ATRNL1: variants seen among roughly 807,000 people sequenced by gnomAD.
The protein encoded by ATRNL1 is attractin-like protein 1.
Under a neutral mutation model 182.7 loss-of-function variants are expected in ATRNL1, and 95 were observed. That is an observed-to-expected ratio of 0.52 (90% confidence interval 0.44 to 0.62). The LOEUF (loss-of-function observed/expected upper bound fraction) is 0.62. Ranked by LOEUF, ATRNL1 falls within the 20% of genes least tolerant of loss-of-function variation. The pLI is 0.00. For missense variants in ATRNL1, 1,471 were observed against 1,679.5 expected (o/e 0.88, Z 2.17); for synonymous variants, 576 against 568.3 (o/e 1.01, Z -0.19).
chr10:115,526,571 T>G (rs1263551252), intron 25 of ATRNL1, among the ~76,000 whole-genome samples: 1 of 152,168 alleles, frequency 6.6e-6, no homozygotes, highest in Non-Finnish European at 1.5e-5. Context: ...TCCAGCAATT[T>G]AAGTCTTCTG....
At chr10:115,448,737 T>C (rs1316362312) in intron 21 of ATRNL1, among the ~76,000 whole-genome samples, 1 of 151,896 alleles carries the variant, frequency 6.6e-6, no homozygotes, top group Non-Finnish European at 1.5e-5. Flanking sequence ...TAAACAAATC[T>C]AGGAGTTGGT....
At chr10:115,288,049 G>T (rs1295097443) in intron 15 of ATRNL1, among the ~76,000 whole-genome samples, 1 of 149,854 alleles carries the variant, frequency 6.7e-6, no homozygotes, top group Admixed American at 6.7e-5. Context: ...TGCCATGAAT[G>T]ACAGGATTTC....
chr10:115,221,054 G>A (rs1270119655), intron 9 of ATRNL1, among the ~76,000 whole-genome samples: 2 of 152,028 alleles, frequency 1.3e-5, no homozygotes, highest in African/African-American at 2.4e-5. Flanking sequence ...ATTCTCATAG[G>A]GACATGCAAC....
chr10:115,315,564 G>A lies in ATRNL1; in HGVS notation c.2865G>A (p.Gln955=), dbSNP rs782194008. ...GLRTCGQCLE[Q]PGCGWCNDPS... ...GAACCTGTGGACAGTGTTTGGAACA[G>A]CCTGGATGTGGCTGGTGCAATGATC... The change falls in exon 18 of 29, where the codon CAG becomes CAA. Residue 955 remains glutamine (Q), a synonymous_variant. Transcript: ENST00000355044. 2.5e-6 allele frequency: 4 copies of A among 1,613,950 alleles called. No homozygotes were observed. The Admixed American group carries it at 6.7e-5, about 27-fold the overall frequency.
rs555125942 is a variant in ATRNL1 at position 115,720,631 on chromosome 10, T to C, written c.3796-6617T>C. On this transcript the variant is annotated intron_variant, in intron 26 of 28. Transcript: ENST00000355044. ...CTACAATCAGTATGTAAGGCTGATATCTTTAAGAAACAAGATCATTCAGTA... is the reference window on the plus strand; with the variant it reads ...CTACAATCAGTATGTAAGGCTGATACCTTTAAGAAACAAGATCATTCAGTA... 3.9e-4 allele frequency among the ~76,000 whole-genome samples: 60 copies of C among 152,326 alleles called. 1 individual carries two copies. In the South Asian group the frequency reaches 0.012, roughly 30 times the overall value.
At chr10:115,324,918 C>G (rs781921587) in intron 18 of ATRNL1, among the ~76,000 whole-genome samples, 1 of 152,120 alleles carries the variant, frequency 6.6e-6, no homozygotes, top group Admixed American at 6.6e-5. Context: ...TTTTGAATCT[C>G]TGCTTCATTT....
intron 27 of ATRNL1, among the ~76,000 whole-genome samples, chr10:115,768,294 A>G (rs781884441): frequency 1.1e-4 from 16 of 152,102 alleles, no homozygotes; most frequent in Non-Finnish European, 2.2e-4. Flanking sequence ...TTTTATTACT[A>G]TTAATACTAT....
chr10:115,497,457 G>T (rs551831677), intron 24 of ATRNL1, among the ~76,000 whole-genome samples: 1 of 152,158 alleles, frequency 6.6e-6, no homozygotes, highest in East Asian at 1.9e-4. Flanking sequence ...TGCCACTTTT[G>T]GGCGGGCAAT....
intron 19 of ATRNL1, among the ~76,000 whole-genome samples, chr10:115,369,782 G>A (rs1326148197): frequency 2.0e-5 from 3 of 152,308 alleles, no homozygotes; most frequent in East Asian, 3.9e-4. Flanking sequence ...CAGATGTGAG[G>A]TGGTATCTCA....
At chr10:115,484,084 T>G (rs1848901646) in intron 24 of ATRNL1, among the ~76,000 whole-genome samples, 1 of 151,340 alleles carries the variant, frequency 6.6e-6, no homozygotes, top group Non-Finnish European at 1.5e-5. Flanking sequence ...GTAATAATTT[T>G]GAAATGCAAT....
At chr10:115,815,267 G>A (rs1555088204) in intron 27 of ATRNL1, among the ~76,000 whole-genome samples, 2 of 152,116 alleles carry the variant, frequency 1.3e-5, no homozygotes, top group Admixed American at 6.6e-5. Context: ...ACTCTACATT[G>A]TAGAAAAGTC....
intron 26 of ATRNL1, among the ~76,000 whole-genome samples, chr10:115,575,188 T>C (rs1565179052): frequency 1.3e-5 from 2 of 152,312 alleles, no homozygotes; most frequent in Non-Finnish European, 2.9e-5. Flanking sequence ...TATATTCATC[T>C]TTTACCACTT....
intron 26 of ATRNL1, among the ~76,000 whole-genome samples, chr10:115,724,420 A>G (rs1160266448): frequency 6.6e-6 from 1 of 152,186 alleles, no homozygotes; most frequent in Non-Finnish European, 1.5e-5. Flanking sequence ...AGACAAAAAT[A>G]GTGCTTGAAA....
At chr10:115,408,687 GT>G (rs1844984157) in intron 20 of ATRNL1, among the ~76,000 whole-genome samples, 1 of 151,788 alleles carries the variant, frequency 6.6e-6, no homozygotes, top group East Asian at 1.9e-4. Context: ...TTTTCTAGTA[GT>G]TTTATTGTTT....
intron 8 of ATRNL1, among the ~76,000 whole-genome samples, chr10:115,175,484 A>G (rs959389731): frequency 6.6e-6 from 1 of 152,086 alleles, no homozygotes; most frequent in Non-Finnish European, 1.5e-5. Flanking sequence ...CAACCAAAAT[A>G]CTATGTCTAA....
chr10:115,118,913 T>C (rs1554870728), intron 1 of ATRNL1, among the ~76,000 whole-genome samples: 1 of 152,110 alleles, frequency 6.6e-6, no homozygotes. Context: ...ATTAATATTA[T>C]TGGAAGTGAA....
At chr10:115,297,288 T>TA (rs782674112) in intron 15 of ATRNL1, among the ~76,000 whole-genome samples, 1 of 152,114 alleles carries the variant, frequency 6.6e-6, no homozygotes, top group African/African-American at 2.4e-5. Flanking sequence ...CAACATAAGT[T>TA]AAAATCTGTT....
At chr10:115,561,704 G>GGTGTGTGTGTGTGTGTGTGTGTGTGT (rs71010029) in intron 26 of ATRNL1, among the ~76,000 whole-genome samples, 4 of 144,936 alleles carry the variant, frequency 2.8e-5, no homozygotes, top group African/African-American at 1.0e-4. Context: ...TGTGTGTGTG[G>GGTGTGTGTGTGTGTGTGTGTGTGTGT]GTGTGTGTGT....
At chr10:115,824,684 G>A (rs1347055326) in intron 27 of ATRNL1, among the ~76,000 whole-genome samples, 1 of 152,152 alleles carries the variant, frequency 6.6e-6, no homozygotes, top group Non-Finnish European at 1.5e-5. Context: ...ATCATCTATG[G>A]TGATTAGAGA....
Sources: gnomAD v4.1 joint callset for allele counts (sites outside exome capture counted in the v4.1 genomes callset) on GRCh38, gnomAD v4.1.1 for gene constraint, MANE v1.5 for transcripts, NCBI Gene and HGNC (gene_info 2026-07-23, HGNC 2026-07-21) for gene names.